NSMCE2: variants seen among roughly 807,000 people sequenced by gnomAD.
NSMCE2 encodes NSE2 SUMO ligase component of SMC5/6 complex.
A neutral mutation model predicts 23.8 loss-of-function variants in NSMCE2; 24 were observed. The observed-to-expected ratio is 1.01, with a 90% CI of 0.73 to 1.42. NSMCE2 has a LOEUF of 1.42. NSMCE2 is among the 40% of genes most tolerant of loss of function. The pLI is 0.00. For synonymous variants in NSMCE2, 92 were observed against 94.1 expected (o/e 0.98, Z 0.13); for missense variants, 284 against 296.5 (o/e 0.96, Z 0.31).
intron 4 of NSMCE2, among the ~76,000 whole-genome samples, chr8:125,170,376 C>CTTTTTTTTTTTTTTTTTTTTTTTTT (rs565593006): frequency 5.3e-5 from 2 of 37,864 alleles, no homozygotes; most frequent in African/African-American, 1.7e-4. Flanking sequence ...CTCTTTATTT[C>CTTTTTTTTTTTTTTTTTTTTTTTTT]TTTTTTTTTT....
intron 5 of NSMCE2, among the ~76,000 whole-genome samples, chr8:125,191,925 A>G (rs1244758008): frequency 6.6e-6 from 1 of 152,222 alleles, no homozygotes; most frequent in Admixed American, 6.5e-5. Flanking sequence ...CTCACAGTCA[A>G]GAGGCCACAA....
chr8:125,307,524 G>T (rs1445164866), intron 5 of NSMCE2, among the ~76,000 whole-genome samples: 1 of 152,198 alleles, frequency 6.6e-6, no homozygotes, highest in Non-Finnish European at 1.5e-5. Context: ...TGGCAGCAAA[G>T]AACAAATCAC....
intron 5 of NSMCE2, among the ~76,000 whole-genome samples, chr8:125,328,306 TG>T (rs1829753432): frequency 1.3e-5 from 2 of 152,200 alleles, no homozygotes; most frequent in Admixed American, 6.5e-5. Flanking sequence ...GGTCATGGGA[TG>T]GAGCTAAGTA....
chr8:125,217,361 T>TTATTTA (rs746240046), intron 5 of NSMCE2, among the ~76,000 whole-genome samples: 3 of 151,688 alleles, frequency 2.0e-5, no homozygotes. Context: ...ATTTATTTAT[T>TTATTTA]TTTTATTTAT....
intron 5 of NSMCE2, among the ~76,000 whole-genome samples, chr8:125,303,053 A>G (rs1828625522): frequency 6.6e-6 from 1 of 152,196 alleles, no homozygotes; most frequent in South Asian, 2.1e-4. Flanking sequence ...CACTCTTGCC[A>G]TATTTAAAGA....
chr8:125,106,073 T>C (rs1249199881), intron 3 of NSMCE2, among the ~76,000 whole-genome samples: 2 of 123,598 alleles, frequency 1.6e-5, no homozygotes, highest in African/African-American at 6.6e-5. Flanking sequence ...CACACACACA[T>C]TTTAACTAAT....
At chr8:125,256,405 AAGG>A (rs1009947640) in intron 5 of NSMCE2, among the ~76,000 whole-genome samples, 1 of 152,172 alleles carries the variant, frequency 6.6e-6, no homozygotes, top group Non-Finnish European at 1.5e-5. Context: ...GGGGGAATAT[AAGG>A]AGGAGGATAA....
intron 3 of NSMCE2, among the ~76,000 whole-genome samples, chr8:125,106,996 AAAAAAAAAACAAC>A (rs1818494308): frequency 7.0e-6 from 1 of 143,214 alleles, no homozygotes; most frequent in Non-Finnish European, 1.5e-5. Flanking sequence ...ATTCTGTCTC[AAAAAAAAAACAAC>A]AAAAAAAAAC....
intron 3 of NSMCE2, among the ~76,000 whole-genome samples, chr8:125,135,630 A>T (rs111524934): frequency 6.6e-6 from 1 of 151,750 alleles, no homozygotes. Context: ...TTGCATGTGG[A>T]TAGCCAATTG....
intron 5 of NSMCE2, among the ~76,000 whole-genome samples, chr8:125,186,691 T>C (rs887442097): frequency 2.0e-5 from 3 of 152,198 alleles, no homozygotes; most frequent in African/African-American, 7.2e-5. Flanking sequence ...TCAACTGATA[T>C]GGGGCTCTCT....
intron 5 of NSMCE2, among the ~76,000 whole-genome samples, chr8:125,213,485 G>GCCTCC (rs1482773986): frequency 4.0e-5 from 3 of 75,074 alleles, no homozygotes; most frequent in Admixed American, 1.3e-4. Context: ...AGGCACCCAT[G>GCCTCC]TCTCCTCTCC....
intron 5 of NSMCE2, among the ~76,000 whole-genome samples, chr8:125,284,210 GAA>G (rs1827809247): frequency 1.5e-5 from 2 of 134,334 alleles, no homozygotes; most frequent in Admixed American, 1.5e-4. Flanking sequence ...AAAAAAAAAA[GAA>G]AAAAAATTTT....
chr8:125,288,486 G>T (rs1040822371), intron 5 of NSMCE2, among the ~76,000 whole-genome samples: 11 of 152,078 alleles, frequency 7.2e-5, no homozygotes, highest in Non-Finnish European at 1.0e-4. Flanking sequence ...TTGATTGATT[G>T]CCTATATCTC....
At chr8:125,222,875 C>G (rs1435756611) in intron 5 of NSMCE2, among the ~76,000 whole-genome samples, 2 of 151,982 alleles carry the variant, frequency 1.3e-5, no homozygotes, top group East Asian at 3.9e-4. Flanking sequence ...CCAGCCTAGG[C>G]AACACGGCAA....
At chr8:125,171,065 A>G (rs1008990295) in intron 4 of NSMCE2, among the ~76,000 whole-genome samples, 11 of 152,016 alleles carry the variant, frequency 7.2e-5, no homozygotes, top group Admixed American at 6.6e-4. Flanking sequence ...TGTGACTCCA[A>G]CTATATGGCT....
At chr8:125,332,677 T>TA (rs1829923264) in intron 5 of NSMCE2, among the ~76,000 whole-genome samples, 1 of 152,258 alleles carries the variant, frequency 6.6e-6, no homozygotes, top group African/African-American at 2.4e-5. Context: ...GAATGCTTTG[T>TA]ACACTGCTAT....
chr8:125,315,842 AC>A (rs1185397229), intron 5 of NSMCE2, among the ~76,000 whole-genome samples: 1 of 151,612 alleles, frequency 6.6e-6, no homozygotes, highest in African/African-American at 2.4e-5. Context: ...TCACTCCGTC[AC>A]CCAGGCTGTT....
At chr8:125,321,429 A>G (rs1219277673) in intron 5 of NSMCE2, among the ~76,000 whole-genome samples, 1 of 152,216 alleles carries the variant, frequency 6.6e-6, no homozygotes, top group Non-Finnish European at 1.5e-5. Context: ...AGCCCAGGCA[A>G]CTGGCTTCGT....
chr8:125,110,765 T>G (rs909396946), intron 3 of NSMCE2, among the ~76,000 whole-genome samples: 53 of 148,170 alleles, frequency 3.6e-4, no homozygotes, highest in South Asian at 2.3e-3. Context: ...TGTTGTTGTT[T>G]TTTTTTTTTT....
Sources: gnomAD v4.1 joint callset for allele counts (sites outside exome capture counted in the v4.1 genomes callset) on GRCh38, gnomAD v4.1.1 for gene constraint, MANE v1.5 for transcripts, NCBI Gene and HGNC (gene_info 2026-07-23, HGNC 2026-07-21) for gene names.